TMEM178B: variants seen among roughly 807,000 people sequenced by gnomAD.
The protein encoded by TMEM178B is transmembrane protein 178B.
Under a neutral mutation model 31.0 loss-of-function variants are expected in TMEM178B, and 5 were observed. The ratio of observed to expected loss-of-function variants is 0.16; its 90% CI spans 0.08 to 0.34. The LOEUF is 0.34. Ranked by LOEUF, TMEM178B falls within the 10% of genes least tolerant of loss-of-function variation. The probability of loss-of-function intolerance (pLI) is 1.00; values close to 1 mark genes in which losing one functional copy is unlikely to be tolerated. For synonymous variants in TMEM178B, 164 were observed against 164.0 expected (o/e 1.00, Z 0.00); for missense variants, 275 against 400.3 (o/e 0.69, Z 2.67).
intron 1 of TMEM178B, among the ~76,000 whole-genome samples, chr7:141,161,221 G>T (rs1796166620): frequency 6.6e-6 from 1 of 152,178 alleles, no homozygotes; most frequent in Admixed American, 6.5e-5. Context: ...TGGGACACAG[G>T]ACCTGTCTCG....
At chr7:141,249,235 A>G (rs1259504909) in intron 2 of TMEM178B, among the ~76,000 whole-genome samples, 7 of 152,150 alleles carry the variant, frequency 4.6e-5, no homozygotes, top group African/African-American at 1.7e-4. Flanking sequence ...GTGGTAGTGA[A>G]TAAGTCTCCT....
chr7:141,264,320 A>G (rs368591814), intron 2 of TMEM178B, among the ~76,000 whole-genome samples: 2 of 152,226 alleles, frequency 1.3e-5, no homozygotes, highest in South Asian at 4.1e-4. Context: ...GGCAAAGGCC[A>G]GACTCTCTTT....
At chr7:141,326,458 G>A (rs1799191727) in intron 2 of TMEM178B, among the ~76,000 whole-genome samples, 1 of 152,192 alleles carries the variant, frequency 6.6e-6, no homozygotes, top group South Asian at 2.1e-4. Flanking sequence ...TGATGGACAT[G>A]TTATTTAGTC....
chr7:141,496,727 G>T, the TMEM178B span, among the ~76,000 whole-genome samples: 1 of 147,602 alleles, frequency 6.8e-6, no homozygotes, highest in African/African-American at 2.6e-5. Flanking sequence ...CATGACAGAG[G>T]AATCATTTTA....
chr7:141,220,106 G>A (rs1797230435), intron 2 of TMEM178B, among the ~76,000 whole-genome samples: 1 of 152,056 alleles, frequency 6.6e-6, no homozygotes, highest in African/African-American at 2.4e-5. Flanking sequence ...GATCACTTGA[G>A]ATCAGGGTTC....
At chr7:141,083,362 CT>C (rs1794719096) in intron 1 of TMEM178B, among the ~76,000 whole-genome samples, 1 of 151,372 alleles carries the variant, frequency 6.6e-6, no homozygotes, top group African/African-American at 2.4e-5. Context: ...CCCTTTCATA[CT>C]TTTACATTTG....
chr7:141,094,139 G>A (rs918092703), intron 1 of TMEM178B, among the ~76,000 whole-genome samples: 8 of 152,086 alleles, frequency 5.3e-5, no homozygotes, highest in Non-Finnish European at 1.2e-4. Flanking sequence ...AATTGCAGGA[G>A]CAACTGCTGG....
At chr7:141,227,718 G>A (rs1434099569) in intron 2 of TMEM178B, among the ~76,000 whole-genome samples, 5 of 152,202 alleles carry the variant, frequency 3.3e-5, no homozygotes, top group Admixed American at 1.3e-4. Context: ...CTCAGCAGGG[G>A]ATATGAACTT....
chr7:141,367,404 A>G (rs1800028411), intron 2 of TMEM178B, among the ~76,000 whole-genome samples: 1 of 151,804 alleles, frequency 6.6e-6, no homozygotes, highest in Admixed American at 6.6e-5. Flanking sequence ...CCTCTTGAGT[A>G]CCTGGGATTA....
At position 141,113,949 on chromosome 7, in the gene TMEM178B, A is replaced by G. The variant is rs372254347; in HGVS notation, c.382+39257A>G. On this transcript the variant is annotated intron_variant, in intron 1 of 3. Coordinates refer to ENST00000565468, the MANE Select transcript of TMEM178B (RefSeq NM_001195278.2). ...GTACAGAAATGCTATATAGAAATCT[A>G]ACATAGTGGTTATCTATTGTCTTGC... Among the ~76,000 whole-genome samples the G allele has an allele frequency of 9.8e-5, 15 of 152,354 alleles. No homozygotes were observed. The South Asian group carries it at 3.1e-3, about 32-fold the overall frequency.
chr7:141,350,598 A>T (rs1799703149), intron 2 of TMEM178B, among the ~76,000 whole-genome samples: 1 of 152,192 alleles, frequency 6.6e-6, no homozygotes, highest in Non-Finnish European at 1.5e-5. Flanking sequence ...ATATTCACAT[A>T]GAATCTCCTG....
chr7:141,387,875 C>T (rs935135997), intron 2 of TMEM178B, among the ~76,000 whole-genome samples: 1 of 152,178 alleles, frequency 6.6e-6, no homozygotes. Context: ...TTCCTCCTCG[C>T]CTTGGTGGTC....
At chr7:141,361,597 C>T (rs1381880837) in intron 2 of TMEM178B, among the ~76,000 whole-genome samples, 1 of 152,196 alleles carries the variant, frequency 6.6e-6, no homozygotes, top group Non-Finnish European at 1.5e-5. Flanking sequence ...GCCTGCATGA[C>T]ATGACATCCT....
chr7:141,443,377 C>T (rs942948149), intron 3 of TMEM178B, among the ~76,000 whole-genome samples: 7 of 152,190 alleles, frequency 4.6e-5, no homozygotes, highest in East Asian at 1.9e-4. Flanking sequence ...CCACACTGCA[C>T]GTCATTCTCG....
At chr7:141,427,980 T>G (rs1801351449) in intron 2 of TMEM178B, among the ~76,000 whole-genome samples, 2 of 152,068 alleles carry the variant, frequency 1.3e-5, no homozygotes, top group South Asian at 4.1e-4. Context: ...GTCAGGGAAA[T>G]GCAAATTAAA....
chr7:141,074,680 C>T lies in TMEM178B; in HGVS notation c.370C>T (p.Leu124Phe). Residue 124 changes from leucine to phenylalanine, a missense_variant, in exon 1 of 4, where the codon CTC becomes TTC. Transcript: ENST00000565468. This position sits in a 1 kb window ranked among gnomAD's most constrained non-coding sequence, Gnocchi z 5.1. ...RQGFDPEIAA[L>F]IRKGEIERCT... ...GGGCTTCGACCCCGAGATCGCCGCC[C>T]TCATTCGGAAAGGTAAGCGCCGGGC... is the stretch of plus-strand genomic sequence containing the variant. The T allele has an allele frequency of 1.3e-6, 2 of 1,504,992 alleles. No individual in the cohort carries two copies. The highest frequency in any genetic ancestry group is 4.1e-5 in the Admixed American group (2 of 48,214). The allele number at this position is 1,504,992 out of a possible 1,614,324, so 93.2% of individuals were successfully genotyped here.
intron 2 of TMEM178B, among the ~76,000 whole-genome samples, chr7:141,356,529 AT>A (rs1257802877): frequency 1.3e-5 from 2 of 149,406 alleles, no homozygotes; most frequent in African/African-American, 5.0e-5. Flanking sequence ...CTTCTGAGAA[AT>A]CTGTTCATGT....
At chr7:141,330,598 G>T (rs1799282087) in intron 2 of TMEM178B, among the ~76,000 whole-genome samples, 1 of 152,184 alleles carries the variant, frequency 6.6e-6, no homozygotes, top group Non-Finnish European at 1.5e-5. Flanking sequence ...GCTGGTTGGA[G>T]AATAATATGG....
intron 1 of TMEM178B, among the ~76,000 whole-genome samples, chr7:141,095,946 C>A (rs913322766): frequency 8.5e-5 from 13 of 152,076 alleles, no homozygotes; most frequent in African/African-American, 3.1e-4. Context: ...ACCTGGTATC[C>A]ATAGGAGTGG....
Sources: gnomAD v4.1 joint callset for allele counts (sites outside exome capture counted in the v4.1 genomes callset) on GRCh38, gnomAD v4.1.1 for gene constraint, Gnocchi (gnomAD v3.1) non-coding constraint, MANE v1.5 for transcripts, NCBI Gene and HGNC (gene_info 2026-07-23, HGNC 2026-07-21) for gene names.